The following CDH4 variants were observed in gnomAD, a reference collection of about 807,000 sequenced individuals.
CDH4 encodes cadherin 4, also known as cadherin-4.
A neutral mutation model predicts 86.0 loss-of-function variants in CDH4; 33 were observed. That is an observed-to-expected ratio of 0.38 (90% CI 0.29 to 0.51). The LOEUF is 0.51. Among genes scored for constraint, CDH4 ranks in the 20% least tolerant of loss-of-function variants. The pLI is 0.86. For synonymous variants in CDH4, 555 were observed against 549.4 expected (o/e 1.01, Z -0.14); for missense variants, 1,114 against 1,307.4 (o/e 0.85, Z 2.28).
intron 4 of CDH4, among the ~76,000 whole-genome samples, chr20:61,801,223 G>A (rs1440734513): frequency 6.6e-6 from 1 of 152,188 alleles, no homozygotes; most frequent in Non-Finnish European, 1.5e-5. Flanking sequence ...CAGCGGGAGA[G>A]CCGGCAGAAA....
At chr20:61,640,056 C>G (rs2086988926) in intron 2 of CDH4, among the ~76,000 whole-genome samples, 1 of 152,128 alleles carries the variant, frequency 6.6e-6, no homozygotes, top group African/African-American at 2.4e-5. Flanking sequence ...AAAAAGAAAG[C>G]CATAGATTTG....
intron 2 of CDH4, among the ~76,000 whole-genome samples, chr20:61,542,883 C>T (rs2086051119): frequency 2.0e-5 from 3 of 152,196 alleles, no homozygotes. Context: ...GCCTGGAAGC[C>T]AGTCCAAGTC....
intron 2 of CDH4, among the ~76,000 whole-genome samples, chr20:61,651,054 TGTGA>T (rs1367569437): frequency 3.2e-4 from 48 of 152,198 alleles, no homozygotes; most frequent in East Asian, 1.4e-3. Flanking sequence ...GGTGTGCTTG[TGTGA>T]GTGAGTTAGC....
intron 2 of CDH4, among the ~76,000 whole-genome samples, chr20:61,300,108 G>A (rs566085536): frequency 4.6e-5 from 7 of 152,188 alleles, no homozygotes; most frequent in East Asian, 1.9e-4. Context: ...AAACAGAGAC[G>A]TCCAGCCTGC....
At chr20:61,424,942 T>G (rs1341002929) in intron 2 of CDH4, among the ~76,000 whole-genome samples, 1 of 152,104 alleles carries the variant, frequency 6.6e-6, no homozygotes, top group Non-Finnish European at 1.5e-5. Context: ...GGAGCCAAAT[T>G]TAAAAAACTG....
rs1027198301 is a variant in CDH4, at chr20:61,703,177, G to A, written c.170-40386G>A. Among the ~76,000 whole-genome samples the A allele has an allele frequency of 6.6e-6, 1 of 152,190 alleles. No individual in the cohort carries two copies. Among genetic ancestry groups the A allele is most frequent in the African/African-American group, 2.4e-5 (1 of 41,442 alleles). ...CTGTGATCAGAAGTGGGGGCTCTTG[G>A]ACGAGCTCAGAACACACAGGCCTTG... On this transcript the variant is annotated intron_variant, in intron 2 of 15. Transcript: ENST00000614565. This position sits in a 1 kb window ranked among gnomAD's most constrained non-coding sequence, Gnocchi z 4.3.
rs1218066662 is a variant in CDH4, at chr20:61,902,660, C to T, written c.1188+7613C>T. Among the ~76,000 whole-genome samples the T allele has an allele frequency of 6.6e-6, 1 of 152,208 alleles. No homozygotes were observed. The highest frequency in any genetic ancestry group is 1.5e-5 in the Non-Finnish European group (1 of 68,030). ...ACAAAACAGAAGCGAGTGGGTGTGG[C>T]CATGTCCCAATAAACTTTATTTACA... is the stretch of plus-strand genomic sequence containing the variant. On this transcript the variant is annotated intron_variant, in intron 8 of 15. Transcript: ENST00000614565. The surrounding 1 kb of genome is among the most constrained non-coding windows in gnomAD (Gnocchi z 4.6).
chr20:61,750,754 A>C (rs2088482138), intron 3 of CDH4, among the ~76,000 whole-genome samples: 1 of 152,196 alleles, frequency 6.6e-6, no homozygotes, highest in South Asian at 2.1e-4. Context: ...TCCTAAAAGA[A>C]CCTGTACTAA....
At chr20:61,344,008 AGG>A (rs1438301527) in intron 2 of CDH4, among the ~76,000 whole-genome samples, 1 of 152,170 alleles carries the variant, frequency 6.6e-6, no homozygotes, top group Non-Finnish European at 1.5e-5. Flanking sequence ...AAGAATGAAG[AGG>A]GGTGCTCCAG....
chr20:61,667,319 C>T (rs192895679), intron 2 of CDH4, among the ~76,000 whole-genome samples: 53 of 152,294 alleles, frequency 3.5e-4, no homozygotes, highest in African/African-American at 1.1e-3. Flanking sequence ...CCTGGGGCTC[C>T]GCATGCAGCA....
rs528484700 is a variant in CDH4, at chr20:61,565,167, A to G, written c.170-178396A>G. On this transcript the variant is annotated intron_variant, in intron 2 of 15. Coordinates refer to ENST00000614565, the MANE Select transcript of CDH4 (RefSeq NM_001794.5). ...GGTGTTGGTAGTGGTCCTCTTGGTGATGGGGTGGTGGTGGTGGTGGTCCTC... is the reference window on the plus strand; with the variant it reads ...GGTGTTGGTAGTGGTCCTCTTGGTGGTGGGGTGGTGGTGGTGGTGGTCCTC... Among the ~76,000 whole-genome samples the G allele has an allele frequency of 1.8e-4, 14 of 79,714 alleles. 2 individuals carry two copies. Among genetic ancestry groups the G allele is most frequent in the South Asian group, 4.5e-4 (1 of 2,232 alleles). 52.3% of individuals were successfully genotyped at this position (79,714 alleles called of 152,430 possible).
chr20:61,913,844 G>T (rs926270286), intron 9 of CDH4, among the ~76,000 whole-genome samples: 3 of 152,198 alleles, frequency 2.0e-5, no homozygotes, highest in African/African-American at 4.8e-5. Context: ...GCACAGCCGG[G>T]CACATTCACT....
At chr20:61,755,806 A>G (rs2088558301) in intron 3 of CDH4, among the ~76,000 whole-genome samples, 1 of 152,140 alleles carries the variant, frequency 6.6e-6, no homozygotes, top group Admixed American at 6.5e-5. Flanking sequence ...ACACATTTAC[A>G]CGTACGCACA....
chr20:61,692,251 ATG>A (rs1396545356), intron 2 of CDH4, among the ~76,000 whole-genome samples: 7 of 136,762 alleles, frequency 5.1e-5, no homozygotes, highest in African/African-American at 1.5e-4. Context: ...ATGTGTGTGT[ATG>A]TGTGTGTCTG....
intron 2 of CDH4, among the ~76,000 whole-genome samples, chr20:61,410,097 G>A (rs1312468092): frequency 6.6e-6 from 1 of 152,234 alleles, no homozygotes; most frequent in African/African-American, 2.4e-5. Flanking sequence ...ATGAGAATTG[G>A]CTCTTACACT....
chr20:61,309,829 G>A (rs1287604397), intron 2 of CDH4, among the ~76,000 whole-genome samples: 1 of 152,138 alleles, frequency 6.6e-6, no homozygotes, highest in African/African-American at 2.4e-5. Context: ...AAAGAGTTAG[G>A]ACAGTTTCGT....
intron 7 of CDH4, 137 bp downstream of exon 7, chr20:61,874,037 T>C: frequency 2.3e-6 from 2 of 881,940 alleles, no homozygotes. Flanking sequence ...TCTCTTGCCA[T>C]GGGAGAGACT....
intron 2 of CDH4, among the ~76,000 whole-genome samples, chr20:61,472,977 T>A (rs2085513977): frequency 6.6e-6 from 1 of 152,174 alleles, no homozygotes; most frequent in Non-Finnish European, 1.5e-5. Context: ...TGGTGGACTA[T>A]ACCCAACCGG....
intron 2 of CDH4, among the ~76,000 whole-genome samples, chr20:61,367,038 C>T (rs979815623): frequency 3.3e-5 from 5 of 152,178 alleles, no homozygotes; most frequent in East Asian, 3.9e-4. Context: ...ACCCCACCCA[C>T]CCCATTGCTG....
Sources: allele counts gnomAD v4.1 joint callset (sites outside exome capture counted in the v4.1 genomes callset), GRCh38; gene constraint gnomAD v4.1.1; non-coding constraint Gnocchi (gnomAD v3.1); transcripts MANE v1.5; gene names NCBI Gene and HGNC (gene_info 2026-07-23, HGNC 2026-07-21).